Variants in RBFOX1 observed in about 807,000 individuals in gnomAD.
The protein encoded by RBFOX1 is RNA binding protein fox-1 homolog 1.
A neutral mutation model predicts 57.7 loss-of-function variants in RBFOX1; 8 were observed. That is an observed-to-expected ratio of 0.14 (90% CI 0.08 to 0.25). The LOEUF (loss-of-function observed/expected upper bound fraction) is 0.25, where lower values mean the gene tolerates loss of function less well. Among genes scored for constraint, RBFOX1 ranks in the 10% least tolerant of loss-of-function variants. The pLI is 1.00. For missense variants in RBFOX1, 611 were observed against 548.5 expected (o/e 1.11, Z -1.14); for synonymous variants, 326 against 222.4 (o/e 1.47, Z -4.15).
At chr16:5,413,273 C>A (rs1288011693) in intron 1 of RBFOX1, among the ~76,000 whole-genome samples, 5 of 152,114 alleles carry the variant, frequency 3.3e-5, no homozygotes, top group Non-Finnish European at 7.3e-5. Flanking sequence ...AACAAGGCAT[C>A]CACAGCATTC....
intron 2 of RBFOX1, among the ~76,000 whole-genome samples, chr16:5,479,260 C>T (rs1486885259): frequency 6.6e-6 from 1 of 152,088 alleles, no homozygotes; most frequent in Admixed American, 6.6e-5. Context: ...GCCTTGTTGC[C>T]AATCAGATGA....
intron 12 of RBFOX1, chr16:7,664,711 C>G (rs961921515): frequency 1.3e-5 from 9 of 715,312 alleles, no homozygotes; most frequent in African/African-American, 1.3e-4. Flanking sequence ...CCGCCACCAC[C>G]ACATCCTAAT....
At chr16:6,372,149 C>A (rs1393042078) in intron 2 of RBFOX1, among the ~76,000 whole-genome samples, 3 of 149,042 alleles carry the variant, frequency 2.0e-5, no homozygotes, top group Non-Finnish European at 4.4e-5. Context: ...CTTTGGGATC[C>A]TGGGTAGGAG....
intron 1 of RBFOX1, among the ~76,000 whole-genome samples, chr16:6,053,257 C>T (rs923965291): frequency 6.6e-6 from 1 of 152,128 alleles, no homozygotes; most frequent in African/African-American, 2.4e-5. Flanking sequence ...CAATAAATAA[C>T]GGAATAATAT....
At chr16:7,532,538 G>A (rs1213357885) in intron 5 of RBFOX1, among the ~76,000 whole-genome samples, 1 of 152,192 alleles carries the variant, frequency 6.6e-6, no homozygotes, top group African/African-American at 2.4e-5. Flanking sequence ...ACAGGGCGTT[G>A]GCCATCTTTC....
chr16:6,844,057 C>T (rs564951360), intron 3 of RBFOX1, among the ~76,000 whole-genome samples: 1 of 152,196 alleles, frequency 6.6e-6, no homozygotes, highest in Non-Finnish European at 1.5e-5. Flanking sequence ...CTCTCTTTCT[C>T]TGTCTCTCTC....
At chr16:6,337,278 G>C (rs2083896955) in intron 2 of RBFOX1, among the ~76,000 whole-genome samples, 1 of 152,154 alleles carries the variant, frequency 6.6e-6, no homozygotes, top group Non-Finnish European at 1.5e-5. Flanking sequence ...TGCATTTAAA[G>C]TCGACATGCT....
chr16:7,000,119 T>C (rs573358597), intron 3 of RBFOX1, among the ~76,000 whole-genome samples: 1 of 151,674 alleles, frequency 6.6e-6, no homozygotes, highest in East Asian at 1.9e-4. Context: ...AAACATCATA[T>C]TATTTTTAAA....
At chr16:6,579,963 C>G (rs940567582) in intron 2 of RBFOX1, among the ~76,000 whole-genome samples, 1 of 151,488 alleles carries the variant, frequency 6.6e-6, no homozygotes, top group African/African-American at 2.4e-5. Flanking sequence ...GTTGTTTTTT[C>G]TTTTTTCTTT....
intron 3 of RBFOX1, among the ~76,000 whole-genome samples, chr16:6,717,255 A>G (rs975478381): frequency 6.6e-6 from 1 of 152,060 alleles, no homozygotes; most frequent in African/African-American, 2.4e-5. Flanking sequence ...AAAGATACCC[A>G]TTTCTGACAT....
At chr16:7,177,272 G>C (rs558510139) in intron 4 of RBFOX1, among the ~76,000 whole-genome samples, 33 of 152,240 alleles carry the variant, frequency 2.2e-4, no homozygotes, top group African/African-American at 7.2e-4. Context: ...ATAAGACCAA[G>C]TTCAAAAGTG....
chr16:7,192,163 G>A (rs559002684), intron 4 of RBFOX1, among the ~76,000 whole-genome samples: 11 of 152,344 alleles, frequency 7.2e-5, no homozygotes, highest in African/African-American at 2.4e-4. Context: ...GAAGGAATTC[G>A]CAATAGCGGT....
intron 1 of RBFOX1, among the ~76,000 whole-genome samples, chr16:5,455,039 C>G (rs1277991757): frequency 6.9e-6 from 1 of 144,378 alleles, no homozygotes; most frequent in Non-Finnish European, 1.5e-5. Flanking sequence ...CTCTGTCTGT[C>G]TCTCTTTCTT....
chr16:6,354,247 A>AC (rs2086893842), intron 2 of RBFOX1, among the ~76,000 whole-genome samples: 1 of 152,026 alleles, frequency 6.6e-6, no homozygotes, highest in Non-Finnish European at 1.5e-5. Flanking sequence ...ACACACACAC[A>AC]TAGATATATA....
chr16:7,281,481 C>T (rs986475093), intron 4 of RBFOX1, among the ~76,000 whole-genome samples: 5 of 152,082 alleles, frequency 3.3e-5, no homozygotes, highest in African/African-American at 1.2e-4. Context: ...CTGTATATCT[C>T]TCCCAAGTTT....
chr16:5,620,741 G>A (rs922022936), intron 3 of RBFOX1, among the ~76,000 whole-genome samples: 1 of 152,158 alleles, frequency 6.6e-6, no homozygotes, highest in Non-Finnish European at 1.5e-5. Flanking sequence ...AGCAGTGGCA[G>A]GATCATGGCT....
chr16:5,619,123 T>A (rs2048130538), intron 3 of RBFOX1, among the ~76,000 whole-genome samples: 1 of 152,176 alleles, frequency 6.6e-6, no homozygotes, highest in Admixed American at 6.5e-5. Context: ...ATGGGAAAAT[T>A]GTCCATTTTA....
Position 6,019,041 on chromosome 16 carries a change from G to C in RBFOX1, c.-1078G>C. 1 of 957,600 alleles carries C rather than the reference G, an allele frequency of 1.0e-6. No homozygotes were observed. 59.3% of individuals were successfully genotyped at this position (957,600 alleles called of 1,614,324 possible). On this transcript the variant is annotated 5_prime_UTR_variant, in exon 1 of 16. Transcript: ENST00000550418. The surrounding 1 kb of genome is among the most constrained non-coding windows in gnomAD (Gnocchi z 4.2). ...CGCGCACCAGATTATTTTTGGCTCC[G>C]CAGCCGGGGCTGCTCGCTGCTTGTC...
At chr16:5,504,604 T>A (rs896194232) in intron 2 of RBFOX1, among the ~76,000 whole-genome samples, 10 of 152,212 alleles carry the variant, frequency 6.6e-5, no homozygotes, top group Non-Finnish European at 1.5e-4. Context: ...GGGCCCGGTT[T>A]GGCTCCCAGC....
Sources: gnomAD v4.1 joint callset for allele counts (sites outside exome capture counted in the v4.1 genomes callset) on GRCh38, gnomAD v4.1.1 for gene constraint, Gnocchi (gnomAD v3.1) non-coding constraint, MANE v1.5 for transcripts, NCBI Gene and HGNC (gene_info 2026-07-23, HGNC 2026-07-21) for gene names.